Variants in ITGA11 observed in about 807,000 individuals in gnomAD.
ITGA11 encodes integrin alpha-11.
Under a neutral mutation model 141.9 loss-of-function variants are expected in ITGA11, and 97 were observed. The ratio of observed to expected loss-of-function variants is 0.68; its 90% CI spans 0.58 to 0.81. The LOEUF is 0.81. ITGA11 is among the 30% of genes least tolerant of loss of function. The pLI is 0.00. For synonymous variants in ITGA11, 658 were observed against 624.6 expected, an observed-to-expected ratio of 1.05 and a Z score of -0.80; for missense variants, 1,387 against 1,559.2, an observed-to-expected ratio of 0.89 and a Z score of 1.86.
In ITGA11 at chr15:68,333,566, C is replaced by T. The variant is rs554064746; in HGVS notation, c.1426-1088G>A. ...ATCAGAAACCCAGAAACCCTGACTC[C>T]ACCCTCCACCTCTCCCACCCGTAAA... On this transcript the variant is annotated intron_variant, in intron 12 of 29. Transcript: ENST00000315757. The surrounding 1 kb of genome is among the most constrained non-coding windows in gnomAD (Gnocchi z 4.2). Among the ~76,000 whole-genome samples the T allele has an allele frequency of 8.7e-4, 132 of 152,216 alleles. No individual in the cohort carries two copies. The highest frequency in any genetic ancestry group is 3.4e-3 in the Middle Eastern group (1 of 294).
intron 2 of ITGA11, among the ~76,000 whole-genome samples, chr15:68,382,756 T>C (rs1472279882): frequency 2.0e-5 from 3 of 152,318 alleles, no homozygotes; most frequent in Non-Finnish European, 4.4e-5. Flanking sequence ...CAACTCTCTT[T>C]CCATGTCTGT....
intron 10 of ITGA11, among the ~76,000 whole-genome samples, chr15:68,348,499 A>G (rs1894807274): frequency 1.3e-5 from 2 of 152,138 alleles, no homozygotes; most frequent in Admixed American, 1.3e-4. Context: ...TTATGGGATT[A>G]TTGTCTGTAG....
intron 19 of ITGA11, 115 bp from the exon 20 acceptor site, chr15:68,320,507 CA>C: frequency 1.3e-6 from 1 of 749,266 alleles, no homozygotes; most frequent in South Asian, 1.8e-5. Context: ...GGCCTCTGCT[CA>C]TGGGAATAGC....
chr15:68,421,515 G>A (rs983453538), intron 1 of ITGA11, among the ~76,000 whole-genome samples: 1 of 152,184 alleles, frequency 6.6e-6, no homozygotes, highest in African/African-American at 2.4e-5. Flanking sequence ...GGGTGGGAGA[G>A]CCTCAAGGTA....
chr15:68,421,916 T>C (rs898595), intron 1 of ITGA11, among the ~76,000 whole-genome samples: 152,283 of 152,326 alleles, frequency 1, 76,120 homozygotes, highest in Middle Eastern at 1. Context: ...GCAAGCCTGC[T>C]GGTGCCTTTG....
At chr15:68,375,524 G>A (rs2140368982) in intron 2 of ITGA11, among the ~76,000 whole-genome samples, 1 of 151,554 alleles carries the variant, frequency 6.6e-6, no homozygotes, top group Admixed American at 6.6e-5. Flanking sequence ...GGTGTAGATG[G>A]AGAATCTGGC....
intron 3 of ITGA11, chr15:68,365,178 T>A (rs1292663036): frequency 2.0e-6 from 2 of 985,324 alleles, no homozygotes; most frequent in Non-Finnish European, 2.4e-6. Flanking sequence ...GTATCCCCGC[T>A]ACGCTTTCTT....
rs551855403 is a variant in ITGA11, at chr15:68,343,587, G to A, written c.1132-3943C>T. 5.7e-4 allele frequency among the ~76,000 whole-genome samples: 87 copies of A among 152,208 alleles called. No homozygotes were observed. In the South Asian group the frequency reaches 0.017, roughly 29 times the overall value. On this transcript the variant is annotated intron_variant, in intron 10 of 29. Coordinates refer to ENST00000315757, the MANE Select transcript of ITGA11 (RefSeq NM_001004439.2). The stretch of plus-strand genomic sequence containing the variant: ...CTTTTTGGCTTTTGTGAGGCAAGAC[G>A]ATGGAGCCAGGTGGAGGTAGTCGCT...
rs111776164 is a variant in ITGA11 at position 68,308,761 on chromosome 15, G to GAAAAGAAAAGA, written c.3175-1066_3175-1065insTCTTTTCTTTT. 0.28 allele frequency among the ~76,000 whole-genome samples: 38,934 copies of GAAAAGAAAAGA among 137,546 alleles called. 6,305 individuals carry two copies. Among genetic ancestry groups the GAAAAGAAAAGA allele is most frequent in the Non-Finnish European group, 0.35 (22,337 of 64,736 alleles). 90.2% of individuals were successfully genotyped at this position (137,546 alleles called of 152,430 possible). A position where few individuals can be genotyped will look rare whatever the true frequency, so the allele number is the denominator to read the frequency against. On this transcript the variant is annotated intron_variant, in intron 26 of 29. Coordinates refer to ENST00000315757, the MANE Select transcript of ITGA11 (RefSeq NM_001004439.2). This position sits in a 1 kb window ranked among gnomAD's most constrained non-coding sequence, Gnocchi z 5.2. ...TGTCTCAAAAGAAAAGAAAAGAAAA[G>GAAAAGAAAAGA]AAAGAAAAGAAAAGAAAAGAAAAGG... is the stretch of plus-strand genomic sequence containing the variant.
In ITGA11 at chr15:68,305,055, A is replaced by ATT. The variant is rs1893149272; in HGVS notation, c.3382-1171_3382-1170insAA. 6.6e-6 allele frequency among the ~76,000 whole-genome samples: 1 copy of ATT among 152,222 alleles called. No homozygotes were observed. The highest frequency in any genetic ancestry group is 1.5e-5 in the Non-Finnish European group (1 of 68,038). On this transcript the variant is annotated intron_variant, in intron 28 of 29. Transcript: ENST00000315757. The surrounding 1 kb of genome is among the most constrained non-coding windows in gnomAD (Gnocchi z 4.6). ...TGCTCAAGCTCAAAGTAAAAAGTGCAGTCCTGGCCCTGGCCTGCAAGGCCC... is the reference window on the plus strand; with the variant it reads ...TGCTCAAGCTCAAAGTAAAAAGTGCATTGTCCTGGCCCTGGCCTGCAAGGCCC...
intron 1 of ITGA11, among the ~76,000 whole-genome samples, chr15:68,408,416 C>T (rs1033425344): frequency 5.3e-5 from 8 of 152,106 alleles, no homozygotes; most frequent in Admixed American, 1.3e-4. Context: ...CGCATCAGGA[C>T]GCAGGCTCCA....
intron 21 of ITGA11, among the ~76,000 whole-genome samples, chr15:68,316,715 G>A (rs889129937): frequency 1.3e-5 from 2 of 152,156 alleles, no homozygotes; most frequent in Non-Finnish European, 2.9e-5. Flanking sequence ...CCAAGTCCAC[G>A]CAGCTTGGCC....
intron 23 of ITGA11, among the ~76,000 whole-genome samples, chr15:68,313,107 A>G (rs957539069): frequency 8.5e-5 from 13 of 152,200 alleles, no homozygotes; most frequent in African/African-American, 2.7e-4. Flanking sequence ...AGAGCCAGTT[A>G]TCTCATCCCT....
Position 68,333,768 on chromosome 15 carries a change from T to C in ITGA11, c.1426-1290A>G, listed in dbSNP as rs1286190591. Among the ~76,000 whole-genome samples the C allele has an allele frequency of 6.6e-6, 1 of 152,138 alleles. No individual in the cohort carries two copies. Among genetic ancestry groups the C allele is most frequent in the Non-Finnish European group, 1.5e-5 (1 of 68,018 alleles). ...TCCACCTCTTGCTTTTGGGATAGTA[T>C]CTAAACTCTCTAGCAGGACCGTGCT... On this transcript the variant is annotated intron_variant, in intron 12 of 29. Coordinates refer to ENST00000315757, the MANE Select transcript of ITGA11 (RefSeq NM_001004439.2). The surrounding 1 kb of genome is among the most constrained non-coding windows in gnomAD (Gnocchi z 4.2).
chr15:68,344,644 A>G (rs1381447304), intron 10 of ITGA11, among the ~76,000 whole-genome samples: 1 of 151,898 alleles, frequency 6.6e-6, no homozygotes, highest in African/African-American at 2.4e-5. Context: ...AAAGAGGACT[A>G]CAAATAATTG....
chr15:68,307,926 G>A lies in ITGA11; in HGVS notation c.3175-230C>T, dbSNP rs1412165950. Among the ~76,000 whole-genome samples, 5 of 152,202 alleles carry A rather than the reference G, an allele frequency of 3.3e-5. No homozygotes were observed. The highest frequency in any genetic ancestry group is 5.9e-5 in the Non-Finnish European group (4 of 68,028). ...CACTTGAAGCTGTACATTGTGACCG[G>A]CCTGGATATATTCCAGGGACAGAAC... On this transcript the variant is annotated intron_variant, in intron 26 of 29. Transcript: ENST00000315757. The surrounding 1 kb of genome is among the most constrained non-coding windows in gnomAD (Gnocchi z 6.1).
chr15:68,430,423 G>C (rs915936587), intron 1 of ITGA11, among the ~76,000 whole-genome samples: 10 of 152,156 alleles, frequency 6.6e-5, no homozygotes, highest in African/African-American at 2.4e-4. Flanking sequence ...GTCCAAGATT[G>C]AACAGCTAGC....
intron 20 of ITGA11, among the ~76,000 whole-genome samples, chr15:68,317,939 T>C (rs1893651361): frequency 6.6e-6 from 1 of 152,206 alleles, no homozygotes; most frequent in African/African-American, 2.4e-5. Context: ...TGCATGTACC[T>C]GCTGCATGTA....
chr15:68,386,132 G>T (rs1895979030), intron 2 of ITGA11, among the ~76,000 whole-genome samples: 1 of 152,146 alleles, frequency 6.6e-6, no homozygotes, highest in African/African-American at 2.4e-5. Context: ...CTATAGAGAG[G>T]TCCCCAAGGA....
Sources: gnomAD v4.1 joint callset for allele counts (sites outside exome capture counted in the v4.1 genomes callset) on GRCh38, gnomAD v4.1.1 for gene constraint, Gnocchi (gnomAD v3.1) non-coding constraint, MANE v1.5 for transcripts, NCBI Gene and HGNC (gene_info 2026-07-23, HGNC 2026-07-21) for gene names.